The following CTNNA3 variants were observed in gnomAD, a reference collection of about 807,000 sequenced individuals.
The protein encoded by CTNNA3 is catenin alpha 3.
In CTNNA3, 76 loss-of-function variants were observed where a neutral mutation model predicts 95.7. The observed-to-expected ratio is 0.79, with a 90% CI of 0.66 to 0.96. The LOEUF (loss-of-function observed/expected upper bound fraction) is 0.96. Ranked by LOEUF, CTNNA3 falls within the 40% of genes least tolerant of loss-of-function variation. The probability of loss-of-function intolerance (pLI) is 0.00; values close to 1 mark genes in which losing one functional copy is unlikely to be tolerated. For synonymous variants in CTNNA3, 431 were observed against 374.4 expected (o/e 1.15, Z -1.74); for missense variants, 1,191 against 1,089.8 (o/e 1.09, Z -1.31).
chr10:66,149,912 A>G (rs1383297250), intron 13 of CTNNA3, among the ~76,000 whole-genome samples: 1 of 152,122 alleles, frequency 6.6e-6, no homozygotes, highest in Non-Finnish European at 1.5e-5. Flanking sequence ...ATATTCTTCA[A>G]TATGTTTTTC....
intron 4 of CTNNA3, among the ~76,000 whole-genome samples, chr10:67,527,073 A>G (rs987405150): frequency 1.3e-5 from 2 of 152,154 alleles, no homozygotes; most frequent in Non-Finnish European, 2.9e-5. Context: ...CCTGGCCAAC[A>G]TGGTGAAATC....
chr10:66,526,581 A>AT, intron 10 of CTNNA3, among the ~76,000 whole-genome samples: 1 of 151,952 alleles, frequency 6.6e-6, no homozygotes, highest in South Asian at 2.1e-4. Flanking sequence ...AAGAGTTCCT[A>AT]TTTTTTCATA....
intron 3 of CTNNA3, among the ~76,000 whole-genome samples, chr10:67,586,084 T>TGGTC (rs1268570347): frequency 6.6e-6 from 1 of 152,182 alleles, no homozygotes. Flanking sequence ...ATTGACCCAG[T>TGGTC]GGTCATTCAG....
At chr10:67,479,876 A>G (rs555409477) in intron 5 of CTNNA3, among the ~76,000 whole-genome samples, 1 of 152,266 alleles carries the variant, frequency 6.6e-6, no homozygotes, top group East Asian at 1.9e-4. Flanking sequence ...GAAGATCCAA[A>G]TAAGTGCAAT....
At chr10:67,104,434 G>C (rs1456471083) in intron 7 of CTNNA3, among the ~76,000 whole-genome samples, 1 of 151,910 alleles carries the variant, frequency 6.6e-6, no homozygotes. Flanking sequence ...GTAATATGTA[G>C]TTTAAATATA....
intron 13 of CTNNA3, among the ~76,000 whole-genome samples, chr10:66,262,255 T>A (rs894658287): frequency 5.3e-5 from 8 of 152,042 alleles, no homozygotes; most frequent in Non-Finnish European, 1.2e-4. Flanking sequence ...CTTAGCATTA[T>A]CATTTCATGG....
Position 66,105,554 on chromosome 10 carries a change from C to T in CTNNA3, c.1885-2305G>A, listed in dbSNP as rs568908096. 1.6e-4 allele frequency among the ~76,000 whole-genome samples: 25 copies of T among 152,282 alleles called. No individual in the cohort carries two copies. The South Asian group carries it at 5.0e-3, about 30-fold the overall frequency. On this transcript the variant is annotated intron_variant, in intron 13 of 17. Transcript: ENST00000433211. The stretch of plus-strand genomic sequence containing the variant: ...CCACTCCTATAGTTTATTCAACCCC[C>T]AAATAAAGTAACAAACTAAGAACAA...
intron 6 of CTNNA3, among the ~76,000 whole-genome samples, chr10:67,190,397 T>C (rs776333533): frequency 6.6e-6 from 1 of 152,006 alleles, no homozygotes; most frequent in Non-Finnish European, 1.5e-5. Flanking sequence ...GGAAAAGGTC[T>C]AAAGGAAACA....
At chr10:67,043,745 G>C (rs558071029) in intron 7 of CTNNA3, among the ~76,000 whole-genome samples, 4 of 152,078 alleles carry the variant, frequency 2.6e-5, no homozygotes, top group South Asian at 4.1e-4. Context: ...ATTGGTATTT[G>C]TGCTTTGTTC....
chr10:66,096,490 G>A (rs1378822782), intron 14 of CTNNA3, among the ~76,000 whole-genome samples: 1 of 148,110 alleles, frequency 6.8e-6, no homozygotes, highest in African/African-American at 2.5e-5. Flanking sequence ...AAAATTAAAT[G>A]TTGTTTTTTT....
intron 5 of CTNNA3, among the ~76,000 whole-genome samples, chr10:67,515,251 A>G (rs1456533234): frequency 6.6e-6 from 1 of 152,250 alleles, no homozygotes; most frequent in Admixed American, 6.5e-5. Flanking sequence ...TTTATGAAGT[A>G]GTGAAAATGA....
At chr10:67,505,189 G>T (rs965167645) in intron 5 of CTNNA3, among the ~76,000 whole-genome samples, 5 of 152,176 alleles carry the variant, frequency 3.3e-5, no homozygotes, top group Non-Finnish European at 7.4e-5. Flanking sequence ...TGAGCATTTA[G>T]CTTAAGTTCA....
intron 5 of CTNNA3, among the ~76,000 whole-genome samples, chr10:67,260,124 T>C (rs1358153757): frequency 6.6e-6 from 1 of 152,154 alleles, no homozygotes; most frequent in Non-Finnish European, 1.5e-5. Flanking sequence ...ATGAACCCAA[T>C]AACGGCATCG....
At chr10:66,910,843 T>C (rs1044238623) in intron 7 of CTNNA3, among the ~76,000 whole-genome samples, 10 of 152,208 alleles carry the variant, frequency 6.6e-5, no homozygotes, top group African/African-American at 2.4e-4. Flanking sequence ...TTGTGCGTCA[T>C]GACAATGAGT....
At chr10:66,740,842 C>A (rs1441909440) in intron 9 of CTNNA3, among the ~76,000 whole-genome samples, 1 of 152,168 alleles carries the variant, frequency 6.6e-6, no homozygotes, top group Non-Finnish European at 1.5e-5. Context: ...TGAAATATCT[C>A]TTTGAAGCTG....
At chr10:67,423,645 C>A (rs570966631) in intron 5 of CTNNA3, among the ~76,000 whole-genome samples, 35 of 152,132 alleles carry the variant, frequency 2.3e-4, no homozygotes, top group Admixed American at 1.8e-3. Context: ...CTTCTCCCCA[C>A]CAAACATACC....
intron 1 of CTNNA3, chr10:67,750,208 A>G (rs1000554945): frequency 3.6e-6 from 5 of 1,402,910 alleles, no homozygotes; most frequent in Non-Finnish European, 5.0e-6. Context: ...CCAAGAACCC[A>G]CTGGAAGGAA....
chr10:66,158,284 TTA>T (rs2084653283), intron 13 of CTNNA3, among the ~76,000 whole-genome samples: 1 of 152,120 alleles, frequency 6.6e-6, no homozygotes, highest in Non-Finnish European at 1.5e-5. Context: ...TCTATAATTT[TTA>T]TAGTTTCAGG....
chr10:66,331,532 T>G (rs964335375), intron 12 of CTNNA3, among the ~76,000 whole-genome samples: 4 of 151,714 alleles, frequency 2.6e-5, no homozygotes, highest in African/African-American at 9.7e-5. Context: ...TTTTGTATTT[T>G]TAGTAGAGAC....
Sources: gnomAD v4.1 joint callset for allele counts (sites outside exome capture counted in the v4.1 genomes callset) on GRCh38, gnomAD v4.1.1 for gene constraint, MANE v1.5 for transcripts, NCBI Gene and HGNC (gene_info 2026-07-23, HGNC 2026-07-21) for gene names.